The following TFPI variants were observed in gnomAD, a reference collection of about 807,000 sequenced individuals.
TFPI encodes tissue factor pathway inhibitor, also known as anti-convertin.
In TFPI, 15 loss-of-function variants were observed where a neutral mutation model predicts 34.6. The observed-to-expected ratio is 0.43, with a 90% CI of 0.29 to 0.67. The LOEUF (loss-of-function observed/expected upper bound fraction) is 0.67. Ranked by LOEUF, TFPI falls within the 30% of genes least tolerant of loss-of-function variation. The pLI, the probability that TFPI is intolerant of heterozygous loss-of-function variation, is 0.15. For synonymous variants in TFPI, 105 were observed against 120.1 expected (o/e 0.87, Z 0.82); for missense variants, 301 against 364.0 (o/e 0.83, Z 1.41).
chr2:187,498,130 G>A (rs1685610506), intron 2 of TFPI, among the ~76,000 whole-genome samples: 2 of 151,684 alleles, frequency 1.3e-5, no homozygotes. Flanking sequence ...GTGTTTTCAT[G>A]CATTCTAAAA....
chr2:187,503,804 A>C, intron 1 of TFPI, 34 bp from the exon 2 acceptor site: 1 of 1,606,140 alleles, frequency 6.2e-7, no homozygotes, highest in Non-Finnish European at 8.5e-7. Context: ...TCTAATAAAT[A>C]AAGTGTTAAT....
intron 1 of TFPI, among the ~76,000 whole-genome samples, chr2:187,508,922 G>C (rs1387892246): frequency 6.6e-6 from 1 of 152,108 alleles, no homozygotes; most frequent in East Asian, 1.9e-4. Flanking sequence ...ATATGATATT[G>C]GCTGTGAGTT....
rs6722616 is a variant in TFPI at position 187,478,739 on chromosome 2, G to A, written c.628+5385C>T. 1.2e-3 allele frequency: 1,910 copies of A among 1,613,656 alleles called. 17 individuals carry two copies. In the African/African-American group the frequency reaches 0.021, roughly 18 times the overall value. On this transcript the variant is annotated intron_variant, in intron 6 of 7. Transcript: ENST00000233156. Reference sequence around the variant, plus strand: ...ACATGGATGCATGAATGCAGAAGGCGTTCAGAAAGACTTGGTAAATATGAG... The same window carrying A: ...ACATGGATGCATGAATGCAGAAGGCATTCAGAAAGACTTGGTAAATATGAG...
intron 1 of TFPI, among the ~76,000 whole-genome samples, chr2:187,530,677 A>C (rs1448876889): frequency 6.6e-6 from 1 of 152,160 alleles, no homozygotes; most frequent in East Asian, 1.9e-4. Context: ...CCTGTGTTAC[A>C]CATTATATAT....
At chr2:187,477,515 G>A (rs1338689927) in intron 6 of TFPI, among the ~76,000 whole-genome samples, 1 of 152,126 alleles carries the variant, frequency 6.6e-6, no homozygotes, top group African/African-American at 2.4e-5. Flanking sequence ...GTGATGGCCT[G>A]TGGTATGCAG....
chr2:187,484,179 G>C lies in TFPI; in HGVS notation c.573C>G (p.Leu191=), dbSNP rs1307316238. The C allele has an allele frequency of 3.1e-6, 5 of 1,612,236 alleles. No homozygotes were observed. The South Asian group carries it at 3.3e-5, about 11-fold the overall frequency. The part of the protein sequence containing the change: ...GFQVDNYGTQ[L]NAVNNSLTPQ... Reference sequence around the variant, plus strand: ...GAGTCAGGGAGTTATTCACAGCATTGAGCTGGGTTCCATAATTATCCACCT... The same window carrying C: ...GAGTCAGGGAGTTATTCACAGCATTCAGCTGGGTTCCATAATTATCCACCT... Residue 191 remains leucine (L), a synonymous_variant, in exon 6 of 8, where the codon CTC becomes CTG. Coordinates refer to ENST00000233156, the MANE Select transcript of TFPI (RefSeq NM_006287.6).
intron 1 of TFPI, among the ~76,000 whole-genome samples, chr2:187,539,356 T>C (rs1574524814): frequency 6.6e-6 from 1 of 152,144 alleles, no homozygotes; most frequent in South Asian, 2.1e-4. Context: ...TTATTTTATA[T>C]GTAGGACAAG....
chr2:187,534,898 AAAAAAAAT>A (rs1415065132), intron 1 of TFPI, among the ~76,000 whole-genome samples: 2 of 151,918 alleles, frequency 1.3e-5, no homozygotes, highest in East Asian at 1.9e-4. Context: ...GGAAAGCAAA[AAAAAAAAT>A]AAAAAAATAA....
In TFPI at chr2:187,533,133, A is replaced by G. The variant is rs545758138; in HGVS notation, c.-3+21067T>C. 2.0e-5 allele frequency among the ~76,000 whole-genome samples: 3 copies of G among 152,328 alleles called. No individual in the cohort carries two copies. In the East Asian group the frequency reaches 5.8e-4, roughly 29 times the overall value. ...ACCTGGGGAAGGGGTGGATGTGGACACAGCTTCAGCAGACTTAAACATTCG... is the reference window on the plus strand; with the variant it reads ...ACCTGGGGAAGGGGTGGATGTGGACGCAGCTTCAGCAGACTTAAACATTCG... On this transcript the variant is annotated intron_variant, in intron 1 of 7. Transcript: ENST00000233156.
intron 1 of TFPI, among the ~76,000 whole-genome samples, chr2:187,549,505 C>T (rs1689018432): frequency 6.6e-6 from 1 of 152,062 alleles, no homozygotes; most frequent in African/African-American, 2.4e-5. Flanking sequence ...ATGTGGAGCT[C>T]ATTTGTCATC....
intron 3 of TFPI, 46 bp from the exon 4 acceptor site, chr2:187,488,421 A>C: frequency 1.6e-6 from 2 of 1,243,912 alleles, no homozygotes; most frequent in South Asian, 3.4e-5. Flanking sequence ...CAATTTATAA[A>C]GTAATACTAT....
At position 187,537,268 on chromosome 2, in the gene TFPI, T is replaced by C. The variant is rs368143759; in HGVS notation, c.-3+16932A>G. Among the ~76,000 whole-genome samples, 19 of 152,002 alleles carry C rather than the reference T, an allele frequency of 1.2e-4. No homozygotes were observed. In the East Asian group the frequency reaches 2.9e-3, roughly 23 times the overall value. On this transcript the variant is annotated intron_variant, in intron 1 of 7. Transcript: ENST00000233156. ...AATTTCATATGGAACCAAAAAACAG[T>C]CTATATAGCCAAGACAATCCTAAGC...
intron 1 of TFPI, among the ~76,000 whole-genome samples, chr2:187,531,181 T>A (rs1387580341): frequency 6.6e-6 from 1 of 152,098 alleles, no homozygotes; most frequent in Non-Finnish European, 1.5e-5. Context: ...TGTAGAAAGG[T>A]GTGTGGTATA....
intron 3 of TFPI, among the ~76,000 whole-genome samples, chr2:187,494,623 G>T (rs1574421313): frequency 6.6e-6 from 1 of 152,068 alleles, no homozygotes; most frequent in Admixed American, 6.5e-5. Context: ...CTCTCCTTAG[G>T]TGCGTTTTTA....
At chr2:187,504,371 T>A (rs1008052001) in intron 1 of TFPI, among the ~76,000 whole-genome samples, 24 of 152,140 alleles carry the variant, frequency 1.6e-4, no homozygotes, top group African/African-American at 5.3e-4. Flanking sequence ...ACAAAAGAAG[T>A]GTCTGACATT....
intron 1 of TFPI, among the ~76,000 whole-genome samples, chr2:187,551,736 T>C (rs899245426): frequency 2.6e-5 from 4 of 152,184 alleles, no homozygotes; most frequent in African/African-American, 9.6e-5. Flanking sequence ...AAGTTTCTCC[T>C]AATGCACATT....
intron 3 of TFPI, among the ~76,000 whole-genome samples, chr2:187,494,563 G>A (rs1023852276): frequency 3.3e-5 from 5 of 152,054 alleles, no homozygotes; most frequent in Admixed American, 1.3e-4. Context: ...TCTTTATGTT[G>A]GGGAGAGAAA....
intron 1 of TFPI, chr2:187,513,640 GCTGTTC>G (rs1268028786): frequency 6.6e-6 from 1 of 152,640 alleles, no homozygotes; most frequent in Non-Finnish European, 1.5e-5. Flanking sequence ...CGCTGAGACT[GCTGTTC>G]CTACAATGGA....
intron 3 of TFPI, among the ~76,000 whole-genome samples, chr2:187,490,692 G>A (rs1685062649): frequency 6.6e-6 from 1 of 151,080 alleles, no homozygotes; most frequent in Admixed American, 6.6e-5. Context: ...CTTTTAACTG[G>A]CGTGACTGGA....
Sources: gnomAD v4.1 joint callset for allele counts (sites outside exome capture counted in the v4.1 genomes callset) on GRCh38, gnomAD v4.1.1 for gene constraint, MANE v1.5 for transcripts, NCBI Gene and HGNC (gene_info 2026-07-23, HGNC 2026-07-21) for gene names.